The following MID1 variants were observed in gnomAD, a reference collection of about 807,000 sequenced individuals.
The protein encoded by MID1 is midline 1.
Under a neutral mutation model 40.4 loss-of-function variants are expected in MID1, and 7 were observed. That is an observed-to-expected ratio of 0.17 (90% confidence interval 0.10 to 0.33). The LOEUF (loss-of-function observed/expected upper bound fraction) is 0.33. MID1 is among the 10% of genes least tolerant of loss of function. The pLI is 1.00. For missense variants in MID1, 367 were observed against 558.5 expected, an observed-to-expected ratio of 0.66 and a Z score of 3.46; for synonymous variants, 229 against 221.2, an observed-to-expected ratio of 1.04 and a Z score of -0.31.
At chrX:10,796,279 A>T (rs2043966318) in intron 1 of MID1, among the ~76,000 whole-genome samples, 2 of 112,005 alleles carry the variant, frequency 1.8e-5, no homozygotes, top group South Asian at 7.4e-4. Flanking sequence ...GCATAGTCAC[A>T]GTATAATGTG....
chrX:10,570,769 A>G (rs1404757324), intron 1 of MID1, among the ~76,000 whole-genome samples: 1 of 112,815 alleles, frequency 8.9e-6, no homozygotes, highest in Admixed American at 9.3e-5. Flanking sequence ...GACACAATAC[A>G]TAAAGGAATG....
intron 1 of MID1, among the ~76,000 whole-genome samples, chrX:10,614,872 T>G (rs1935812915): frequency 8.9e-6 from 1 of 112,460 alleles, no homozygotes; most frequent in African/African-American, 3.2e-5. Context: ...ACACAGAACT[T>G]GATCTCACAT....
At chrX:10,688,062 A>G (rs762875098) in intron 1 of MID1, among the ~76,000 whole-genome samples, 19 of 110,913 alleles carry the variant, frequency 1.7e-4, no homozygotes, top group African/African-American at 3.6e-4. Flanking sequence ...ATCTTGCTAT[A>G]TTGCCTAGAC....
rs749520544 is a variant in MID1 at position 10,522,261 on chromosome X, C to T, written c.756+831G>A. On this transcript the variant is annotated intron_variant, in intron 3 of 9. Transcript: ENST00000317552. ...GAGACACACCAGGAGAATGTGATAACGGAGGAAGGGTTTAGAGCGCTGTAG... is the reference window on the plus strand; with the variant it reads ...GAGACACACCAGGAGAATGTGATAATGGAGGAAGGGTTTAGAGCGCTGTAG... Among the ~76,000 whole-genome samples the T allele has an allele frequency of 6.3e-5, 7 of 111,654 alleles. No individual in the cohort carries two copies. The South Asian group carries it at 1.9e-3, about 30-fold the overall frequency.
chrX:10,775,164 G>A (rs1169166274), intron 1 of MID1, among the ~76,000 whole-genome samples: 1 of 107,882 alleles, frequency 9.3e-6, no homozygotes, highest in Non-Finnish European at 1.9e-5. Context: ...GGGGGAGAGG[G>A]AGCAAGAATG....
chrX:10,826,421 T>C (rs2044217262), intron 1 of MID1, among the ~76,000 whole-genome samples: 1 of 112,355 alleles, frequency 8.9e-6, no homozygotes, highest in Admixed American at 9.4e-5. Context: ...GATGCAAAAG[T>C]AATCATGGTT....
intron 2 of MID1, among the ~76,000 whole-genome samples, chrX:10,535,228 G>C (rs186725799): frequency 6.5e-4 from 73 of 111,905 alleles, no homozygotes; most frequent in African/African-American, 2.2e-3. Flanking sequence ...AGCAGGATTT[G>C]TGAAAGCTAC....
intron 1 of MID1, among the ~76,000 whole-genome samples, chrX:10,830,906 A>G (rs2044248488): frequency 8.9e-6 from 1 of 112,163 alleles, no homozygotes; most frequent in Admixed American, 9.4e-5. Context: ...TCATGATTGC[A>G]TGAGCCCCCA....
At chrX:10,734,381 C>T (rs893624269) in intron 1 of MID1, among the ~76,000 whole-genome samples, 21 of 109,996 alleles carry the variant, frequency 1.9e-4, no homozygotes, top group African/African-American at 6.6e-4. Context: ...ATACTGGGGT[C>T]CACTTGAGGG....
At chrX:10,797,715 T>C (rs1426595333) in intron 1 of MID1, among the ~76,000 whole-genome samples, 2 of 111,790 alleles carry the variant, frequency 1.8e-5, no homozygotes, top group African/African-American at 6.5e-5. Context: ...AACATATACA[T>C]GATAGATACT....
intron 2 of MID1, among the ~76,000 whole-genome samples, chrX:10,552,397 T>C (rs1469937362): frequency 9.0e-6 from 1 of 110,569 alleles, no homozygotes; most frequent in Non-Finnish European, 1.9e-5. Flanking sequence ...TTCAAGACCC[T>C]CCTACAGATA....
At chrX:10,611,320 A>G (rs1225733645) in intron 1 of MID1, among the ~76,000 whole-genome samples, 2 of 112,485 alleles carry the variant, frequency 1.8e-5, no homozygotes, top group Non-Finnish European at 3.8e-5. Flanking sequence ...AAAGTATTAA[A>G]TGACAGAAAA....
chrX:10,554,002 G>T lies in MID1; in HGVS notation c.660+12886C>A, dbSNP rs922991498. 9.0e-5 allele frequency among the ~76,000 whole-genome samples: 10 copies of T among 111,408 alleles called. No individual in the cohort carries two copies. In the Admixed American group the frequency reaches 9.6e-4, roughly 11 times the overall value. On this transcript the variant is annotated intron_variant, in intron 2 of 9. Transcript: ENST00000317552. Reference sequence around the variant, plus strand: ...GTGACGATTAGTCAAGGGCAAAATGGGGTCCCTGGGTCTGAGCTCCAAAAC... The same window carrying T: ...GTGACGATTAGTCAAGGGCAAAATGTGGTCCCTGGGTCTGAGCTCCAAAAC...
chrX:10,521,052 G>C (rs1932677162), intron 3 of MID1, among the ~76,000 whole-genome samples: 3 of 103,249 alleles, frequency 2.9e-5, no homozygotes, highest in Non-Finnish European at 5.9e-5. Flanking sequence ...TTTACACATG[G>C]TAGAAGGCAA....
At position 10,586,313 on chromosome X, in the gene MID1, G is replaced by A. The variant is rs113211835; in HGVS notation, c.-56-18710C>T. The stretch of plus-strand genomic sequence containing the variant: ...CGATGAGTTTCCTCATGTTTCGGCC[G>A]TGCATGGACCAGTTAGCTTCTGGGT... On this transcript the variant is annotated intron_variant, in intron 1 of 9. Transcript: ENST00000317552. Among the ~76,000 whole-genome samples the A allele has an allele frequency of 9.2e-3, 1,025 of 111,431 alleles. 21 individuals are homozygous for A. Among genetic ancestry groups the A allele is most frequent in the African/African-American group, 0.031 (963 of 30,590 alleles).
At chrX:10,664,597 T>C (rs1011759914) in intron 1 of MID1, among the ~76,000 whole-genome samples, 3 of 112,682 alleles carry the variant, frequency 2.7e-5, no homozygotes, top group Non-Finnish European at 5.6e-5. Context: ...TATGTTTTCA[T>C]TTCTCTTGGA....
At chrX:10,461,660 T>TATTA (rs1929049807) in intron 7 of MID1, among the ~76,000 whole-genome samples, 1 of 111,914 alleles carries the variant, frequency 8.9e-6, no homozygotes, top group Non-Finnish European at 1.9e-5. Flanking sequence ...TACTTAATAT[T>TATTA]ATTACAGTAG....
At chrX:10,646,405 A>G (rs768468925) in intron 1 of MID1, among the ~76,000 whole-genome samples, 4 of 111,661 alleles carry the variant, frequency 3.6e-5, no homozygotes, top group Non-Finnish European at 5.6e-5. Flanking sequence ...ATATTTGGCT[A>G]TATCACACAG....
intron 1 of MID1, among the ~76,000 whole-genome samples, chrX:10,673,312 AG>A (rs2043000926): frequency 1.8e-5 from 2 of 111,620 alleles, no homozygotes; most frequent in Admixed American, 9.6e-5. Flanking sequence ...TTATACAAGC[AG>A]ATCTCTATAC....
Sources: gnomAD v4.1 joint callset for allele counts (sites outside exome capture counted in the v4.1 genomes callset) on GRCh38, gnomAD v4.1.1 for gene constraint, MANE v1.5 for transcripts, NCBI Gene and HGNC (gene_info 2026-07-23, HGNC 2026-07-21) for gene names.